Variants in L3MBTL4 observed in about 807,000 individuals in gnomAD.
The protein encoded by L3MBTL4 is lethal(3)malignant brain tumor-like protein 4.
A neutral mutation model predicts 84.5 loss-of-function variants in L3MBTL4; 70 were observed. That is an observed-to-expected ratio of 0.83 (90% CI 0.68 to 1.01). L3MBTL4 has a LOEUF of 1.01. L3MBTL4 is among the 50% of genes least tolerant of loss of function. L3MBTL4 has a pLI of 0.00. For synonymous variants in L3MBTL4, 274 were observed against 259.8 expected, an observed-to-expected ratio of 1.05 and a Z score of -0.52; for missense variants, 715 against 754.8, an observed-to-expected ratio of 0.95 and a Z score of 0.62.
intron 1 of L3MBTL4, among the ~76,000 whole-genome samples, chr18:6,406,478 T>C (rs1248770843): frequency 6.6e-6 from 1 of 152,212 alleles, no homozygotes; most frequent in African/African-American, 2.4e-5. Flanking sequence ...CCTGGAAACA[T>C]TGCATAATAC....
At chr18:6,323,440 A>C (rs1386047765) in intron 1 of L3MBTL4, among the ~76,000 whole-genome samples, 1 of 152,244 alleles carries the variant, frequency 6.6e-6, no homozygotes, top group Non-Finnish European at 1.5e-5. Flanking sequence ...AGTGATATGG[A>C]CACTGAAGTA....
chr18:6,120,572 C>T (rs1320144825), intron 14 of L3MBTL4, among the ~76,000 whole-genome samples: 1 of 152,190 alleles, frequency 6.6e-6, no homozygotes, highest in African/African-American at 2.4e-5. Flanking sequence ...GCTCCTAGAA[C>T]AACCACTAAG....
chr18:6,014,228 A>C (rs2054860179), intron 16 of L3MBTL4, among the ~76,000 whole-genome samples: 1 of 152,196 alleles, frequency 6.6e-6, no homozygotes, highest in Non-Finnish European at 1.5e-5. Flanking sequence ...AAAGTAAAAT[A>C]CTTTGTGGCA....
chr18:6,274,879 G>C (rs2049016663), intron 4 of L3MBTL4, among the ~76,000 whole-genome samples: 1 of 152,202 alleles, frequency 6.6e-6, no homozygotes, highest in Admixed American at 6.5e-5. Flanking sequence ...ATCTGAATGA[G>C]ACGTGAAAAA....
intron 1 of L3MBTL4, chr18:6,374,454 C>T (rs1297440435): frequency 6.5e-6 from 1 of 154,834 alleles, no homozygotes; most frequent in Non-Finnish European, 1.5e-5. Context: ...AGGTCTACTT[C>T]ATCCGCAAAG....
intron 4 of L3MBTL4, among the ~76,000 whole-genome samples, chr18:6,290,583 A>G (rs1276202452): frequency 7.2e-5 from 11 of 151,810 alleles, no homozygotes; most frequent in Non-Finnish European, 1.5e-5. Context: ...GTTGGAGAGC[A>G]GTGGTGCCAT....
intron 15 of L3MBTL4, among the ~76,000 whole-genome samples, chr18:6,087,385 G>C (rs2058291708): frequency 6.6e-6 from 1 of 152,100 alleles, no homozygotes; most frequent in African/African-American, 2.4e-5. Flanking sequence ...AAAATTCTTT[G>C]GCATTGGTGT....
At chr18:6,083,228 T>C (rs2058139961) in intron 15 of L3MBTL4, among the ~76,000 whole-genome samples, 1 of 152,200 alleles carries the variant, frequency 6.6e-6, no homozygotes, top group African/African-American at 2.4e-5. Context: ...AGGCAGAGAC[T>C]TGACTGTTGC....
intron 7 of L3MBTL4, among the ~76,000 whole-genome samples, chr18:6,242,884 G>A (rs144918379): frequency 1.8e-4 from 28 of 152,168 alleles, no homozygotes; most frequent in African/African-American, 4.6e-4. Context: ...TTTGTTTTCC[G>A]TGATTCCTAA....
At chr18:6,356,705 T>TG (rs2053462231) in intron 1 of L3MBTL4, 1 of 152,218 alleles carries the variant, frequency 6.6e-6, no homozygotes, top group Admixed American at 6.5e-5. Flanking sequence ...CTTGCAGTAC[T>TG]GGGAGTTGCT....
chr18:6,396,567 T>G (rs341233), intron 1 of L3MBTL4: 83,859 of 152,170 alleles, frequency 0.55, 23,258 homozygotes, highest in Middle Eastern at 0.61. Context: ...AAGCACCATG[T>G]GTGACCATGT....
At chr18:6,133,797 C>T (rs952278991) in intron 14 of L3MBTL4, among the ~76,000 whole-genome samples, 14 of 152,244 alleles carry the variant, frequency 9.2e-5, no homozygotes, top group South Asian at 2.1e-4. Flanking sequence ...TGGTACCAGC[C>T]GCTTCCTGAT....
chr18:6,190,533 G>A (rs2045025141), intron 12 of L3MBTL4, among the ~76,000 whole-genome samples: 1 of 152,110 alleles, frequency 6.6e-6, no homozygotes, highest in African/African-American at 2.4e-5. Context: ...TATCAGTAGA[G>A]TTCTAAATAA....
chr18:5,969,608 A>G (rs373702353), intron 16 of L3MBTL4, 46 bp from the exon 17 acceptor site: 1 of 1,552,640 alleles, frequency 6.4e-7, no homozygotes, highest in Non-Finnish European at 8.7e-7. Context: ...CCCAGAGAGC[A>G]AGCACTGCTG....
intron 3 of L3MBTL4, among the ~76,000 whole-genome samples, chr18:6,307,843 T>C (rs2050660513): frequency 6.6e-6 from 1 of 152,232 alleles, no homozygotes; most frequent in Non-Finnish European, 1.5e-5. Flanking sequence ...TCAAATATTT[T>C]ATATACACAG....
At chr18:6,100,678 G>T (rs1410470552) in intron 14 of L3MBTL4, among the ~76,000 whole-genome samples, 2 of 152,226 alleles carry the variant, frequency 1.3e-5, no homozygotes, top group African/African-American at 4.8e-5. Context: ...TAGTTGCCAT[G>T]TGGAGGTAAA....
chr18:6,225,463 A>G (rs2046740560), intron 10 of L3MBTL4, among the ~76,000 whole-genome samples: 1 of 152,190 alleles, frequency 6.6e-6, no homozygotes, highest in South Asian at 2.1e-4. Context: ...GGAAAATAAA[A>G]AATACATTAA....
In L3MBTL4 at chr18:5,956,183, G is replaced by A. The variant is rs7237388; in HGVS notation, c.*37C>T. 0.014 allele frequency: 22,590 copies of A among 1,567,240 alleles called. 210 individuals are homozygous for A. Among genetic ancestry groups the A allele is most frequent in the Non-Finnish European group, 0.017 (19,837 of 1,144,234 alleles). On this transcript the variant is annotated 3_prime_UTR_variant, in exon 19 of 19. Coordinates refer to ENST00000317931, the MANE Select transcript of L3MBTL4 (RefSeq NM_001330559.2). ...GCTCCACTTTTATTGCTGAAAGAGC[G>A]CAGGTCTTGGTGCCAGAGGAAGTTC...
intron 12 of L3MBTL4, among the ~76,000 whole-genome samples, chr18:6,204,722 C>T (rs1192238527): frequency 6.6e-6 from 1 of 152,204 alleles, no homozygotes; most frequent in Non-Finnish European, 1.5e-5. Flanking sequence ...TCTTTGAGCA[C>T]AATGCTCCCT....
Sources: allele counts gnomAD v4.1 joint callset (sites outside exome capture counted in the v4.1 genomes callset), GRCh38; gene constraint gnomAD v4.1.1; transcripts MANE v1.5; gene names NCBI Gene and HGNC (gene_info 2026-07-23, HGNC 2026-07-21).